The following RORC variants were observed in gnomAD, a reference collection of about 807,000 sequenced individuals.
RORC encodes the protein RAR related orphan receptor C, also known as nuclear receptor ROR-gamma.
A neutral mutation model predicts 64.5 loss-of-function variants in RORC; 13 were observed. The ratio of observed to expected loss-of-function variants is 0.20; its 90% CI spans 0.13 to 0.32. RORC has a LOEUF of 0.32. Among genes scored for constraint, RORC ranks in the 10% least tolerant of loss-of-function variants. RORC has a pLI of 1.00. For synonymous variants in RORC, 277 were observed against 259.3 expected (o/e 1.07, Z -0.65); for missense variants, 468 against 669.5 (o/e 0.70, Z 3.32).
Position 151,829,411 on chromosome 1 carries a change from C to T in RORC, c.70+18G>A. Reference sequence around the variant, plus strand: ...CATTATGCCCCAGCCATTTTCTTGCCCCGGACCCCCTACTCACAGGTGTGG... The same window carrying T: ...CATTATGCCCCAGCCATTTTCTTGCTCCGGACCCCCTACTCACAGGTGTGG... On this transcript the variant is annotated intron_variant, in intron 2 of 10. Transcript: ENST00000318247. 1 of 1,537,892 alleles carries T rather than the reference C, an allele frequency of 6.5e-7. No homozygotes were observed. Among genetic ancestry groups the T allele is most frequent in the Non-Finnish European group, 8.7e-7 (1 of 1,149,776 alleles).
chr1:151,827,010 CA>C (rs2101676353), intron 2 of RORC, among the ~76,000 whole-genome samples: 1 of 152,240 alleles, frequency 6.6e-6, no homozygotes, highest in East Asian at 1.9e-4. Flanking sequence ...CCCAGCTACT[CA>C]GGGGGCTGAG....
intron 2 of RORC, among the ~76,000 whole-genome samples, chr1:151,818,382 G>A (rs7540530): frequency 0.43 from 66,005 of 151,944 alleles, 15,096 homozygotes; most frequent in Non-Finnish European, 0.52. Context: ...CTAGGACCCC[G>A]GGTTCTCTCT....
chr1:151,816,528 G>C, intron 4 of RORC, 136 bp downstream of exon 4: 1 of 903,702 alleles, frequency 1.1e-6, no homozygotes, highest in Non-Finnish European at 1.6e-6. Flanking sequence ...GGAGACAAGG[G>C]GTTGTAACGG....
chr1:151,829,602 G>A, intron 1 of RORC, 144 bp from the exon 2 acceptor site: 1 of 672,470 alleles, frequency 1.5e-6, no homozygotes, highest in Non-Finnish European at 2.4e-6. Context: ...CCCCTGCAGT[G>A]CCCCTCTCTC....
chr1:151,819,420 C>T (rs1651896286), intron 2 of RORC, among the ~76,000 whole-genome samples: 1 of 152,194 alleles, frequency 6.6e-6, no homozygotes, highest in East Asian at 1.9e-4. Context: ...GTGGGCCTGG[C>T]AAGGCTGAGA....
intron 2 of RORC, among the ~76,000 whole-genome samples, chr1:151,817,566 C>A (rs1247238644): frequency 1.3e-5 from 2 of 152,160 alleles, no homozygotes; most frequent in East Asian, 1.9e-4. Context: ...AGAGGGGCCA[C>A]CTGCTCAGCC....
At chr1:151,812,912 C>T in intron 9 of RORC, 35 bp downstream of exon 9, 1 of 1,388,416 alleles carries the variant, frequency 7.2e-7, no homozygotes, top group Non-Finnish European at 1.0e-6. Flanking sequence ...CCCCTGCCAC[C>T]TGAATGTCCT....
intron 1 of RORC, 87 bp from the exon 2 acceptor site, chr1:151,829,545 C>A (rs6685811): frequency 8.1e-7 from 1 of 1,227,746 alleles, no homozygotes; most frequent in African/African-American, 1.6e-5. Context: ...ATCCCACTGC[C>A]GCACTCCTTC....
chr1:151,830,659 C>CACACACCCACACACAT lies in RORC; in HGVS notation c.40+1065_40+1066insATGTGTGTGGGTGTGT, dbSNP rs59443678. Among the ~76,000 whole-genome samples the CACACACCCACACACAT allele has an allele frequency of 7.2e-6, 1 of 139,054 alleles. No homozygotes were observed. Among genetic ancestry groups the CACACACCCACACACAT allele is most frequent in the Non-Finnish European group, 1.6e-5 (1 of 64,284 alleles). The allele number at this position is 139,054 out of a possible 152,430, so 91.2% of individuals were successfully genotyped here. A position where few individuals can be genotyped will look rare whatever the true frequency, so the allele number is the denominator to read the frequency against. On this transcript the variant is annotated intron_variant, in intron 1 of 10. Coordinates refer to ENST00000318247, the MANE Select transcript of RORC (RefSeq NM_005060.4). This position sits in a 1 kb window ranked among gnomAD's most constrained non-coding sequence, Gnocchi z 4.0. Reference sequence around the variant, plus strand: ...ACACACACACACACACACACACACACACAGTGCCCTTCTGCCCGGGAGATG... The same window carrying CACACACCCACACACAT: ...ACACACACACACACACACACACACACACACACCCACACACATACAGTGCCCTTCTGCCCGGGAGATG...
At chr1:151,823,598 T>A (rs910815657) in intron 2 of RORC, among the ~76,000 whole-genome samples, 1 of 152,204 alleles carries the variant, frequency 6.6e-6, no homozygotes, top group Non-Finnish European at 1.5e-5. Context: ...TGCCTTGTGA[T>A]CTTCTGCATT....
intron 2 of RORC, chr1:151,826,029 G>C: frequency 6.3e-7 from 1 of 1,598,500 alleles, no homozygotes; most frequent in South Asian, 1.1e-5. Context: ...GAGGCGGGGC[G>C]AGGCCCTCTC....
chr1:151,809,744 C>T lies in RORC; in HGVS notation c.1395+1581G>A, dbSNP rs75243689. On this transcript the variant is annotated intron_variant, in intron 10 of 10. Transcript: ENST00000318247. ...AAGTTCAAGTTCTTGAGAGCACAGA[C>T]CGTGTAAGTCATTGCTGTATCCTTA... Among the ~76,000 whole-genome samples, 679 of 152,350 alleles carry T rather than the reference C, an allele frequency of 4.5e-3. 5 individuals carry two copies. The highest frequency in any genetic ancestry group is 0.015 in the African/African-American group (615 of 41,582).
rs150430875 is a variant in RORC at position 151,814,800 on chromosome 1, C to T, written c.812-105G>A. 45 of 1,540,570 alleles carry T rather than the reference C, an allele frequency of 2.9e-5. No individual in the cohort carries two copies. The African/African-American group carries it at 3.1e-4, about 11-fold the overall frequency. The stretch of plus-strand genomic sequence containing the variant: ...CCTATCCTGCTCCGCCTCCTCCCTC[C>T]GCCCCTCGTCTGGACCCCTCAATTC... On this transcript the variant is annotated intron_variant, in intron 5 of 10. Transcript: ENST00000318247.
intron 2 of RORC, among the ~76,000 whole-genome samples, chr1:151,822,737 G>C (rs1652040951): frequency 6.6e-6 from 1 of 152,214 alleles, no homozygotes; most frequent in Admixed American, 6.5e-5. Context: ...AAAGACCTTG[G>C]CTCTGGCCCT....
chr1:151,828,988 A>G (rs1652300209), intron 2 of RORC, among the ~76,000 whole-genome samples: 2 of 151,434 alleles, frequency 1.3e-5, no homozygotes. Flanking sequence ...CAAAAAAAAA[A>G]AAAAAAAGCC....
chr1:151,824,845 C>T (rs1042449445), intron 2 of RORC, among the ~76,000 whole-genome samples: 1 of 152,218 alleles, frequency 6.6e-6, no homozygotes, highest in Non-Finnish European at 1.5e-5. Context: ...GTCTATATGG[C>T]TAGCCAGTGA....
At chr1:151,812,723 C>T (rs752121411) in intron 9 of RORC, 15 of 423,688 alleles carry the variant, frequency 3.5e-5, no homozygotes, top group Non-Finnish European at 5.5e-5. Flanking sequence ...CTCATTTCTC[C>T]CCACTTCCCA....
chr1:151,831,196 T>C (rs764324068), intron 1 of RORC: 9 of 1,114,290 alleles, frequency 8.1e-6, no homozygotes, highest in Admixed American at 2.9e-5. Flanking sequence ...TACGTGGTCA[T>C]GGGCAGCTGA....
At chr1:151,821,294 C>A (rs1651986223) in intron 2 of RORC, among the ~76,000 whole-genome samples, 1 of 151,968 alleles carries the variant, frequency 6.6e-6, no homozygotes, top group Non-Finnish European at 1.5e-5. Flanking sequence ...CTCTCAAACC[C>A]CAGAACCACC....
Sources: allele counts gnomAD v4.1 joint callset (sites outside exome capture counted in the v4.1 genomes callset), GRCh38; gene constraint gnomAD v4.1.1; non-coding constraint Gnocchi (gnomAD v3.1); transcripts MANE v1.5; gene names NCBI Gene and HGNC (gene_info 2026-07-23, HGNC 2026-07-21).